The following MROH6 variants were observed in gnomAD, a reference collection of about 807,000 sequenced individuals.
The protein encoded by MROH6 is maestro heat like repeat family member 6.
MROH6 carries 62 observed loss-of-function variants against 67.7 expected under a neutral mutation model. The ratio of observed to expected loss-of-function variants is 0.92; its 90% confidence interval spans 0.75 to 1.13. The LOEUF (loss-of-function observed/expected upper bound fraction) is 1.13. Ranked by LOEUF, MROH6 falls within the 50% of genes most tolerant of loss-of-function variation. The probability of loss-of-function intolerance (pLI) is 0.00; values close to 1 mark genes in which losing one functional copy is unlikely to be tolerated. For synonymous variants in MROH6, 566 were observed against 470.8 expected, an observed-to-expected ratio of 1.20 and a Z score of -2.62; for missense variants, 1,175 against 1,029.1, an observed-to-expected ratio of 1.14 and a Z score of -1.94.
In MROH6 at chr8:143,571,764, G is replaced by C; in HGVS notation, c.505C>G (p.Pro169Ala). Residue 169 changes from proline to alanine, a missense_variant, in exon 3 of 14, where the codon CCC becomes GCC. Pro to Ala is a conservative substitution (Grantham distance 27). Transcript: ENST00000398882. ...AQVPSLAEGRPWRAALRVLSA... is the reference protein window; with the variant it reads ...AQVPSLAEGRAWRAALRVLSA... ...AGCACTCGCAGGGCCGCCCTCCAGG[G>C]CCTCCCCTCCGCTAGGCTGGGCACC... 1 of 1,548,606 alleles carries C rather than the reference G, an allele frequency of 6.5e-7. No homozygotes were observed. The highest frequency in any genetic ancestry group is 8.7e-7 in the Non-Finnish European group (1 of 1,147,852).
chr8:143,567,223 G>T lies in MROH6; in HGVS notation c.*16C>A, dbSNP rs1302998646. On this transcript the variant is annotated 3_prime_UTR_variant, in exon 14 of 14. Transcript: ENST00000398882. The stretch of plus-strand genomic sequence containing the variant: ...GCCCGAGTCGGACCCTGGCCCTCGG[G>T]CCCCAGCCCCGAGCCTCAGGCTCGG... 2.5e-6 allele frequency: 3 copies of T among 1,214,038 alleles called. No individual in the cohort carries two copies. Among genetic ancestry groups the T allele is most frequent in the Non-Finnish European group, 3.1e-6 (3 of 974,612 alleles). 75.2% of individuals were successfully genotyped at this position (1,214,038 alleles called of 1,614,324 possible).
Position 143,571,728 on chromosome 8 carries a change from C to T in MROH6, c.541G>A (p.Ala181Thr), listed in dbSNP as rs568779881. 4 of 1,550,272 alleles carry T rather than the reference C, an allele frequency of 2.6e-6. No individual in the cohort carries two copies. Among genetic ancestry groups the T allele is most frequent in the South Asian group, 1.2e-5 (1 of 84,188 alleles). ...ACCACGTCCCGCGCATGCTCCAGGG[C>T]CAGTGCGCTCAGCACTCGCAGGGCC... ...RAALRVLSALALEHARDVVCA... is the reference protein window; with the variant it reads ...RAALRVLSALTLEHARDVVCA... Residue 181 changes from alanine (A) to threonine (T), a missense_variant, in exon 3 of 14, where the codon GCC becomes ACC. By Grantham distance (58) the Ala-to-Thr change is moderately conservative. Coordinates refer to ENST00000398882, the MANE Select transcript of MROH6 (RefSeq NM_001100878.2).
Position 143,567,808 on chromosome 8 carries a change from G to A in MROH6, c.1845C>T (p.Arg615=). The A allele has an allele frequency of 2.6e-6, 4 of 1,537,186 alleles. No individual in the cohort carries two copies. The highest frequency in any genetic ancestry group is 3.5e-6 in the Non-Finnish European group (4 of 1,140,796). The part of the protein sequence containing the change: ...GYLRSPQDPL[R]RAAAVLIGFL... ...CACCTATAAGCACGGCGGCTGCCCGGCGCAGGGGGTCCTGTGGACTCCGCA... is the reference window on the plus strand; with the variant it reads ...CACCTATAAGCACGGCGGCTGCCCGACGCAGGGGGTCCTGTGGACTCCGCA... Residue 615 remains arginine (R), a synonymous_variant, in exon 12 of 14, where the codon CGC becomes CGT. Coordinates refer to ENST00000398882, the MANE Select transcript of MROH6 (RefSeq NM_001100878.2).
Position 143,569,759 on chromosome 8 carries a change from C to A in MROH6, c.1240G>T (p.Glu414Ter). Residue 414 changes from glutamate (E) to a stop codon, truncating the protein, a stop_gained, in exon 8 of 14, where the codon GAA becomes TAA. Transcript: ENST00000398882. LOFTEE classifies it high-confidence loss of function. ...ERLLTWQGDP[E>*]PTVRWLGLLG... ...AGGCCCAACCAGCGCACAGTGGGTT[C>A]GGGGTCTCCCTGCCAGGTGAGGAGT... The A allele has an allele frequency of 1.2e-6, 2 of 1,613,106 alleles. No individual in the cohort carries two copies. Among genetic ancestry groups the A allele is most frequent in the Admixed American group, 1.7e-5 (1 of 59,994 alleles).
chr8:143,572,655 G>C lies in MROH6; in HGVS notation c.60C>G (p.Thr20=), dbSNP rs139406054. Residue 20 remains threonine, a synonymous_variant, in exon 1 of 14, where the codon ACC becomes ACG. Coordinates refer to ENST00000398882, the MANE Select transcript of MROH6 (RefSeq NM_001100878.2). ...GGATTCCTTCAGTCAGTGCTGTCAG[G>C]GTTAGAGCCCCCACGGGAGCCTCCC... is the stretch of plus-strand genomic sequence containing the variant. ...RAREAPVGAL[T]LTALTEGIRA... The C allele has an allele frequency of 6.4e-7, 1 of 1,564,338 alleles. No individual in the cohort carries two copies. Among genetic ancestry groups the C allele is most frequent in the Non-Finnish European group, 8.6e-7 (1 of 1,159,292 alleles).
chr8:143,568,505 T>G, intron 10 of MROH6, 47 bp downstream of exon 10: 1 of 1,476,708 alleles, frequency 6.8e-7, no homozygotes, highest in Non-Finnish European at 9.0e-7. Context: ...GTGGGAGTGG[T>G]GAGTGTTGGA....
chr8:143,568,280 G>T lies in MROH6; in HGVS notation c.1645-19C>A. On this transcript the variant is annotated intron_variant, in intron 10 of 13. Transcript: ENST00000398882. Reference sequence around the variant, plus strand: ...CTGAGCTCTGGGATAGGGGAAGTGAGCCGGGTCAGGGGTCCAGGAAGTAGA... The same window carrying T: ...CTGAGCTCTGGGATAGGGGAAGTGATCCGGGTCAGGGGTCCAGGAAGTAGA... 6.3e-7 allele frequency: 1 copy of T among 1,595,810 alleles called. No homozygotes were observed. The highest frequency in any genetic ancestry group is 8.5e-7 in the Non-Finnish European group (1 of 1,171,416).
At chr8:143,571,422 G>A (rs999682348) in intron 3 of MROH6, among the ~76,000 whole-genome samples, 24 of 152,326 alleles carry the variant, frequency 1.6e-4, no homozygotes, top group African/African-American at 4.1e-4. Context: ...GAGGCCACCC[G>A]AAGATAGAAG....
chr8:143,569,880 G>C (rs1180286007), intron 7 of MROH6, 40 bp from the exon 8 acceptor site: 1 of 1,610,096 alleles, frequency 6.2e-7, no homozygotes. Context: ...CGCGGTCCCC[G>C]TGCAGGCCGC....
chr8:143,567,792 G>A lies in MROH6; in HGVS notation c.1861C>T (p.Leu621Phe), dbSNP rs765615913. 2 of 1,552,196 alleles carry A rather than the reference G, an allele frequency of 1.3e-6. No individual in the cohort carries two copies. Among genetic ancestry groups the A allele is most frequent in the Non-Finnish European group, 8.7e-7 (1 of 1,148,290 alleles). ...TGACCCCGGGCGGCCTCACCTATAA[G>A]CACGGCGGCTGCCCGGCGCAGGGGG... is the stretch of plus-strand genomic sequence containing the variant. ...QDPLRRAAAV[L>F]IGFLVHHASP... The change falls in exon 12 of 14, where the codon CTT becomes TTT. Residue 621 changes from leucine to phenylalanine, a missense_variant. By Grantham distance (22) the Leu-to-Phe change is conservative. Transcript: ENST00000398882.
chr8:143,569,765 C>G lies in MROH6; in HGVS notation c.1234G>C (p.Asp412His). Residue 412 changes from aspartate (D) to histidine (H), a missense_variant, in exon 8 of 14, where the codon GAC becomes CAC. Asp to His is a moderately conservative substitution (Grantham distance 81). Transcript: ENST00000398882. ...AACCAGCGCACAGTGGGTTCGGGGT[C>G]TCCCTGCCAGGTGAGGAGTCGCTCC... ...ILERLLTWQG[D>H]PEPTVRWLGL... 6.2e-7 allele frequency: 1 copy of G among 1,613,068 alleles called. No individual in the cohort carries two copies. The highest frequency in any genetic ancestry group is 8.5e-7 in the Non-Finnish European group (1 of 1,179,724).
Position 143,567,285 on chromosome 8 carries a change from C to A in MROH6, c.2114G>T (p.Arg705Leu). The A allele has an allele frequency of 8.2e-7, 1 of 1,222,454 alleles. No individual in the cohort carries two copies. The highest frequency in any genetic ancestry group is 4.3e-5 in the Admixed American group (1 of 23,374). 75.7% of individuals were successfully genotyped at this position (1,222,454 alleles called of 1,614,324 possible). The change falls in exon 14 of 14, where the codon CGG becomes CTG. Residue 705 changes from arginine (R) to leucine (L), a missense_variant. Coordinates refer to ENST00000398882, the MANE Select transcript of MROH6 (RefSeq NM_001100878.2). The stretch of plus-strand genomic sequence containing the variant: ...GCAGCCCCAGCGGCCCGCGACGCTC[C>A]GGCGCTGGAAGGGGCTGTCGGCGAA... ...PVFADSPFQRRSVAGRWGCSG... is the reference protein window; with the variant it reads ...PVFADSPFQRLSVAGRWGCSG...
intron 1 of MROH6, 91 bp downstream of exon 1, chr8:143,572,330 C>T (rs1000639864): frequency 4.7e-6 from 7 of 1,479,008 alleles, no homozygotes; most frequent in Non-Finnish European, 6.3e-6. Context: ...TCCCCCGGGG[C>T]CAGCACCGCC....
In MROH6 at chr8:143,569,437, T is replaced by C; in HGVS notation, c.1476+4A>G. The C allele has an allele frequency of 2.1e-6, 3 of 1,438,792 alleles. No individual in the cohort carries two copies. The highest frequency in any genetic ancestry group is 2.8e-5 in the Admixed American group (1 of 35,306). 89.1% of individuals were successfully genotyped at this position (1,438,792 alleles called of 1,614,324 possible). On this transcript the variant is annotated splice_donor_region_variant and intron_variant, in intron 9 of 13. Coordinates refer to ENST00000398882, the MANE Select transcript of MROH6 (RefSeq NM_001100878.2). ...CGGGACCCGGAGGCGGGGCGTTTGC[T>C]CACGTCGTCCAGTAGCGGAGGGAGG...
At chr8:143,568,905 G>A in intron 9 of MROH6, 186 bp from the exon 10 acceptor site, 1 of 531,964 alleles carries the variant, frequency 1.9e-6, no homozygotes, top group Non-Finnish European at 3.3e-6. Flanking sequence ...CCCTGCAGGG[G>A]GTGGGGCTTG....
Position 143,569,946 on chromosome 8 carries a change from C to A in MROH6, c.1158+5G>T. 1 of 1,612,918 alleles carries A rather than the reference C, an allele frequency of 6.2e-7. No individual in the cohort carries two copies. Among genetic ancestry groups the A allele is most frequent in the Non-Finnish European group, 8.5e-7 (1 of 1,179,560 alleles). On this transcript the variant is annotated splice_donor_5th_base_variant and intron_variant, in intron 7 of 13. Transcript: ENST00000398882. ...CTTCACCACCCATCCGGGAAGCAGG[C>A]TCACCCCTGTGAAGAAGGCCATAGC...
chr8:143,570,135 A>ACAC, intron 6 of MROH6, 70 bp from the exon 7 acceptor site: 1 of 1,572,938 alleles, frequency 6.4e-7, no homozygotes, highest in South Asian at 1.1e-5. Context: ...CCCCATCCCA[A>ACAC]CACCACCCTC....
In MROH6 at chr8:143,570,826, G is replaced by GCCCCCCC; in HGVS notation, c.720+50_720+51insGGGGGGG. On this transcript the variant is annotated intron_variant, in intron 4 of 13. Coordinates refer to ENST00000398882, the MANE Select transcript of MROH6 (RefSeq NM_001100878.2). ...CCTATGCCCATCCTCCCCGCTCCTC[G>GCCCCCCC]CCACCCCCCACCCCCGCCCCCACCC... The GCCCCCCC allele has an allele frequency of 5.1e-6, 6 of 1,171,226 alleles. No homozygotes were observed. The South Asian group carries it at 5.6e-5, about 11-fold the overall frequency. 72.6% of individuals were successfully genotyped at this position (1,171,226 alleles called of 1,614,324 possible).
At position 143,568,384 on chromosome 8, in the gene MROH6, T is replaced by C. The variant is rs1359363725; in HGVS notation, c.1645-123A>G. 4 of 1,436,724 alleles carry C rather than the reference T, an allele frequency of 2.8e-6. No individual in the cohort carries two copies. The African/African-American group carries it at 4.3e-5, about 15-fold the overall frequency. The allele number at this position is 1,436,724 out of a possible 1,614,324, so 89.0% of individuals were successfully genotyped here. On this transcript the variant is annotated intron_variant, in intron 10 of 13. Coordinates refer to ENST00000398882, the MANE Select transcript of MROH6 (RefSeq NM_001100878.2). ...GAAGAGCCCAGGGCAGGAGACTGGA[T>C]TGATTCTGCTCAAGGGAAGAGCAGT...
Sources: gnomAD v4.1 joint callset for allele counts (sites outside exome capture counted in the v4.1 genomes callset) on GRCh38, gnomAD v4.1.1 for gene constraint, MANE v1.5 for transcripts, NCBI Gene and HGNC (gene_info 2026-07-23, HGNC 2026-07-21) for gene names.